ARHGAP20: variants seen among roughly 807,000 people sequenced by gnomAD.
The protein encoded by ARHGAP20 is Rho GTPase activating protein 20, also known as rho GTPase-activating protein 20.
In ARHGAP20, 34 loss-of-function variants were observed where a neutral mutation model predicts 73.7. That is an observed-to-expected ratio of 0.46 (90% CI 0.35 to 0.61). The LOEUF (loss-of-function observed/expected upper bound fraction) is 0.61. Ranked by LOEUF, ARHGAP20 falls within the 20% of genes least tolerant of loss-of-function variation. ARHGAP20 has a pLI of 0.00. For missense variants in ARHGAP20, 1,314 were observed against 1,420.9 expected (o/e 0.92, Z 1.21); for synonymous variants, 523 against 518.2 (o/e 1.01, Z -0.13).
rs1024734472 is a variant in ARHGAP20 at position 110,577,686 on chromosome 11, G to T, written c.*1684C>A. On this transcript the variant is annotated 3_prime_UTR_variant, in exon 15 of 15. Coordinates refer to ENST00000683387, the MANE Select transcript of ARHGAP20 (RefSeq NM_001384657.1). ...ATAAAGTGAAATCGACTTCACATCT[G>T]TGACTCAGATGGCCAGTGTCACGAA... The T allele has an allele frequency of 1.0e-4, 100 of 985,758 alleles. No individual in the cohort carries two copies. The highest frequency in any genetic ancestry group is 1.2e-4 in the Non-Finnish European group (96 of 829,944). The allele number at this position is 985,758 out of a possible 1,614,324, so 61.1% of individuals were successfully genotyped here. A position where few individuals can be genotyped will look rare whatever the true frequency, so the allele number is the denominator to read the frequency against.
At chr11:110,659,837 C>A (rs1285769506) in intron 2 of ARHGAP20, among the ~76,000 whole-genome samples, 1 of 147,446 alleles carries the variant, frequency 6.8e-6, no homozygotes, top group Admixed American at 6.8e-5. Flanking sequence ...TCTCACTCAT[C>A]GGTGGGAACT....
chr11:110,584,018 A>G (rs1355073715), intron 12 of ARHGAP20, among the ~76,000 whole-genome samples: 1 of 152,200 alleles, frequency 6.6e-6, no homozygotes, highest in African/African-American at 2.4e-5. Context: ...GCTGCCTGAA[A>G]TATTTCCCTG....
At chr11:110,669,537 G>C (rs1949788383) in intron 2 of ARHGAP20, among the ~76,000 whole-genome samples, 1 of 151,500 alleles carries the variant, frequency 6.6e-6, no homozygotes, top group Non-Finnish European at 1.5e-5. Flanking sequence ...ATTATCTAGG[G>C]ATATCAACTA....
At chr11:110,711,879 G>T (rs1000743909) in intron 1 of ARHGAP20, 1 of 1,312,190 alleles carries the variant, frequency 7.6e-7, no homozygotes, top group East Asian at 3.1e-5. Flanking sequence ...GAGGGAGGCT[G>T]CGAGGTCGCT....
intron 3 of ARHGAP20, among the ~76,000 whole-genome samples, 168 bp from the exon 4 acceptor site, chr11:110,624,479 A>C (rs1182969201): frequency 6.6e-6 from 1 of 151,592 alleles, no homozygotes; most frequent in Non-Finnish European, 1.5e-5. Context: ...ACACATGGAC[A>C]CAGAGAGGGG....
chr11:110,642,637 A>G (rs1212968322), intron 2 of ARHGAP20, among the ~76,000 whole-genome samples: 1 of 152,088 alleles, frequency 6.6e-6, no homozygotes, highest in African/African-American at 2.4e-5. Flanking sequence ...AATAAAGTCT[A>G]CTTGGTTGTG....
intron 2 of ARHGAP20, among the ~76,000 whole-genome samples, chr11:110,665,835 A>G (rs7939720): frequency 0.017 from 2,561 of 152,280 alleles, 77 homozygotes; most frequent in African/African-American, 0.058. Context: ...GAATTCATGT[A>G]CCCAAAAGCC....
chr11:110,623,452 T>C (rs1948671194), intron 4 of ARHGAP20, among the ~76,000 whole-genome samples: 1 of 152,202 alleles, frequency 6.6e-6, no homozygotes, highest in African/African-American at 2.4e-5. Flanking sequence ...TCTGTATTCA[T>C]ACATTCTCCA....
At chr11:110,660,069 A>AAAAAAAACAAAAC (rs1555097628) in intron 2 of ARHGAP20, among the ~76,000 whole-genome samples, 7 of 146,972 alleles carry the variant, frequency 4.8e-5, no homozygotes, top group African/African-American at 1.8e-4. Context: ...AACAAAAAAA[A>AAAAAAAACAAAAC]AAAAAAAAAG....
chr11:110,584,740 T>TGAAAATTC lies in ARHGAP20; in HGVS notation c.1416-1011_1416-1004dup, dbSNP rs1399304515. Among the ~76,000 whole-genome samples, 11 of 152,120 alleles carry TGAAAATTC rather than the reference T, an allele frequency of 7.2e-5. No individual in the cohort carries two copies. The East Asian group carries it at 2.1e-3, about 29-fold the overall frequency. The stretch of plus-strand genomic sequence containing the variant: ...TGCATCTAATACTTGTCTAAAGATG[T>TGAAAATTC]GAAAATTCTGGTGGAGAGAACTGAT... On this transcript the variant is annotated intron_variant, in intron 12 of 14. Coordinates refer to ENST00000683387, the MANE Select transcript of ARHGAP20 (RefSeq NM_001384657.1).
chr11:110,624,209 T>C lies in ARHGAP20; in HGVS notation c.456A>G (p.Lys152=), dbSNP rs111581103. ...EVGEGNTNAM[K]SFVLGWPTVN... ...CTGTGGGCCAGCCCAAAACAAAGGA[T>C]TTCATGGCATTGGTGTTGCCTTCTC... The change falls in exon 4 of 15, where the codon AAA becomes AAG. Residue 152 remains lysine (K), a synonymous_variant. Coordinates refer to ENST00000683387, the MANE Select transcript of ARHGAP20 (RefSeq NM_001384657.1). The C allele has an allele frequency of 3.1e-6, 5 of 1,613,060 alleles. No homozygotes were observed. The South Asian group carries it at 4.4e-5, about 14-fold the overall frequency.
intron 11 of ARHGAP20, chr11:110,589,355 G>A (rs73004378): frequency 0.028 from 26,733 of 971,316 alleles, 417 homozygotes; most frequent in Non-Finnish European, 0.031. Flanking sequence ...TTTAAGAGCA[G>A]ATATGGCTTA....
chr11:110,579,769 TG>T lies in ARHGAP20; in HGVS notation c.3176del (p.Pro1059GlnfsTer6). On this transcript the variant is annotated frameshift_variant, in exon 15 of 15. Coordinates refer to ENST00000683387, the MANE Select transcript of ARHGAP20 (RefSeq NM_001384657.1). LOFTEE classifies it low-confidence loss of function (END_TRUNC). ...TTGGAGAAGCTATTTTCTCTTCCTC[TG>T]GTCTGGCTGCCTTTGCTTTCTTTTT... ...SLKKKAKAAR[P>X]EEEKIASPKG... 6.2e-7 allele frequency: 1 copy of T among 1,614,030 alleles called. No individual in the cohort carries two copies. Among genetic ancestry groups the T allele is most frequent in the Non-Finnish European group, 8.5e-7 (1 of 1,180,008 alleles).
At chr11:110,589,594 C>T in intron 11 of ARHGAP20, 1 of 985,396 alleles carries the variant, frequency 1.0e-6, no homozygotes, top group Non-Finnish European at 1.2e-6. Flanking sequence ...GCAGAAGATA[C>T]TGCTAAGGTC....
At chr11:110,696,398 T>C (rs908646364) in intron 1 of ARHGAP20, among the ~76,000 whole-genome samples, 13 of 151,658 alleles carry the variant, frequency 8.6e-5, no homozygotes, top group Non-Finnish European at 1.6e-4. Flanking sequence ...AAACTGGTCC[T>C]TAGCCATAAG....
At chr11:110,647,214 A>G (rs1302714916) in intron 2 of ARHGAP20, among the ~76,000 whole-genome samples, 1 of 151,968 alleles carries the variant, frequency 6.6e-6, no homozygotes, top group African/African-American at 2.4e-5. Context: ...TTAAGGATGG[A>G]GATAAGAAAT....
intron 2 of ARHGAP20, among the ~76,000 whole-genome samples, chr11:110,684,718 T>C (rs1373967436): frequency 6.6e-6 from 1 of 152,144 alleles, no homozygotes; most frequent in Non-Finnish European, 1.5e-5. Flanking sequence ...ATATATACCA[T>C]GGAATACTAC....
chr11:110,660,069 A>AAAAACAAAAC (rs1555097623), intron 2 of ARHGAP20, among the ~76,000 whole-genome samples: 3,389 of 146,966 alleles, frequency 0.023, 110 homozygotes, highest in African/African-American at 0.068. Flanking sequence ...AACAAAAAAA[A>AAAAACAAAAC]AAAAAAAAAG....
chr11:110,585,381 A>T (rs1360202664), intron 12 of ARHGAP20, among the ~76,000 whole-genome samples: 3 of 151,090 alleles, frequency 2.0e-5, no homozygotes, highest in Non-Finnish European at 4.4e-5. Context: ...ACTATAATGG[A>T]AGTGGAGGTG....
Sources: gnomAD v4.1 joint callset for allele counts (sites outside exome capture counted in the v4.1 genomes callset) on GRCh38, gnomAD v4.1.1 for gene constraint, MANE v1.5 for transcripts, NCBI Gene and HGNC (gene_info 2026-07-23, HGNC 2026-07-21) for gene names.